PTPRG: variants seen among roughly 807,000 people sequenced by gnomAD.
The protein encoded by PTPRG is receptor-type tyrosine-protein phosphatase gamma.
Under a neutral mutation model 165.3 loss-of-function variants are expected in PTPRG, and 102 were observed. That is an observed-to-expected ratio of 0.62 (90% confidence interval 0.53 to 0.73). The LOEUF (loss-of-function observed/expected upper bound fraction) is 0.73, where lower values mean the gene tolerates loss of function less well. PTPRG is among the 30% of genes least tolerant of loss of function. PTPRG has a pLI of 0.00. For synonymous variants in PTPRG, 675 were observed against 669.5 expected, an observed-to-expected ratio of 1.01 and a Z score of -0.13; for missense variants, 1,866 against 1,861.4, an observed-to-expected ratio of 1.00 and a Z score of -0.05.
At chr3:61,797,284 T>A (rs2035077888) in intron 2 of PTPRG, among the ~76,000 whole-genome samples, 1 of 152,334 alleles carries the variant, frequency 6.6e-6, no homozygotes, top group African/African-American at 2.4e-5. Context: ...AATATACTTT[T>A]CATTGAATAA....
chr3:61,639,403 T>A (rs796407334), intron 1 of PTPRG, among the ~76,000 whole-genome samples: 7 of 152,332 alleles, frequency 4.6e-5, no homozygotes, highest in African/African-American at 1.7e-4. Context: ...TCTTTTTTGG[T>A]TCCATATGAA....
intron 2 of PTPRG, among the ~76,000 whole-genome samples, chr3:61,924,380 G>A (rs974094471): frequency 6.6e-6 from 1 of 152,174 alleles, no homozygotes; most frequent in South Asian, 2.1e-4. Flanking sequence ...GAAGAAAACC[G>A]GCTATTGTTA....
intron 1 of PTPRG, among the ~76,000 whole-genome samples, chr3:61,630,673 A>G (rs1194616438): frequency 6.6e-6 from 1 of 152,148 alleles, no homozygotes; most frequent in Admixed American, 6.5e-5. Flanking sequence ...TTATCATCTC[A>G]AGTCTCTTTG....
At chr3:62,230,458 T>C (rs979041757) in intron 13 of PTPRG, among the ~76,000 whole-genome samples, 16 of 152,230 alleles carry the variant, frequency 1.1e-4, no homozygotes, top group African/African-American at 2.7e-4. Context: ...TTGGAAAGAA[T>C]AGGAATCATT....
intron 6 of PTPRG, 135 bp from the exon 7 acceptor site, chr3:62,156,932 C>A: frequency 1.3e-6 from 1 of 797,586 alleles, no homozygotes; most frequent in Non-Finnish European, 2.1e-6. Context: ...CCACCAAATG[C>A]TAGTGCTTCT....
At chr3:62,122,221 T>C (rs1394806545) in intron 5 of PTPRG, among the ~76,000 whole-genome samples, 1 of 152,224 alleles carries the variant, frequency 6.6e-6, no homozygotes, top group Non-Finnish European at 1.5e-5. Context: ...AAAACAGTTT[T>C]CACTAGTTTG....
chr3:61,933,022 G>C (rs544609461), intron 2 of PTPRG, among the ~76,000 whole-genome samples: 1 of 152,296 alleles, frequency 6.6e-6, no homozygotes, highest in South Asian at 2.1e-4. Flanking sequence ...ATATGGCTGA[G>C]AATTTGTGGT....
intron 2 of PTPRG, among the ~76,000 whole-genome samples, chr3:61,863,531 A>G (rs1171915042): frequency 1.3e-5 from 2 of 152,228 alleles, no homozygotes; most frequent in Non-Finnish European, 2.9e-5. Context: ...TCAGATGTCA[A>G]GTGTCCACAG....
chr3:61,718,790 C>T (rs1283989542), intron 1 of PTPRG, among the ~76,000 whole-genome samples: 2 of 152,182 alleles, frequency 1.3e-5, no homozygotes, highest in African/African-American at 4.8e-5. Context: ...CCTTTTTGGC[C>T]TGGTGCCCTG....
chr3:61,846,896 C>G (rs1376424497), intron 2 of PTPRG, among the ~76,000 whole-genome samples: 1 of 151,448 alleles, frequency 6.6e-6, no homozygotes, highest in East Asian at 1.9e-4. Flanking sequence ...GTCTGGGTAT[C>G]AGAGCTAGAC....
chr3:61,645,875 G>A (rs1297912196), intron 1 of PTPRG, among the ~76,000 whole-genome samples: 1 of 152,200 alleles, frequency 6.6e-6, no homozygotes, highest in African/African-American at 2.4e-5. Flanking sequence ...TGGGAGCTGA[G>A]CTACCCAAAA....
chr3:62,209,653 G>T (rs1318221470), intron 12 of PTPRG, among the ~76,000 whole-genome samples: 1 of 152,086 alleles, frequency 6.6e-6, no homozygotes, highest in Non-Finnish European at 1.5e-5. Context: ...GCCCACCCCC[G>T]TCCTGGTCTG....
chr3:61,799,360 G>C (rs1197039239), intron 2 of PTPRG, among the ~76,000 whole-genome samples: 4 of 152,140 alleles, frequency 2.6e-5, no homozygotes, highest in African/African-American at 7.2e-5. Flanking sequence ...ACTAGAACCA[G>C]AAACCTTGGC....
Position 61,783,300 on chromosome 3 carries a change from A to T in PTPRG, c.190+34318A>T, listed in dbSNP as rs373971285. 7.2e-5 allele frequency among the ~76,000 whole-genome samples: 11 copies of T among 152,264 alleles called. No individual in the cohort carries two copies. In the South Asian group the frequency reaches 1.0e-3, roughly 14 times the overall value. On this transcript the variant is annotated intron_variant, in intron 2 of 29. Coordinates refer to ENST00000474889, the MANE Select transcript of PTPRG (RefSeq NM_002841.4). Reference sequence around the variant, plus strand: ...GGCAGCAATGAGCTGTGTTTGCACCACTGCACTCCAACCTGGGTGACAGAG... The same window carrying T: ...GGCAGCAATGAGCTGTGTTTGCACCTCTGCACTCCAACCTGGGTGACAGAG...
intron 24 of PTPRG, 90 bp from the exon 25 acceptor site, chr3:62,276,882 T>C (rs776391029): frequency 2.1e-6 from 2 of 945,640 alleles, no homozygotes; most frequent in South Asian, 1.4e-5. Flanking sequence ...CAGGAGGATA[T>C]GTTATTCATC....
chr3:61,898,504 A>G (rs998845451), intron 2 of PTPRG, among the ~76,000 whole-genome samples: 5 of 152,214 alleles, frequency 3.3e-5, no homozygotes, highest in Non-Finnish European at 7.3e-5. Flanking sequence ...AATTTGGGCA[A>G]GAAAAGTTGA....
intron 6 of PTPRG, among the ~76,000 whole-genome samples, chr3:62,141,372 G>C (rs1256899464): frequency 6.6e-6 from 1 of 152,094 alleles, no homozygotes; most frequent in Admixed American, 6.6e-5. Context: ...AGCCGAGGCA[G>C]GTAGATCACT....
chr3:61,797,691 G>C (rs1236647889), intron 2 of PTPRG, among the ~76,000 whole-genome samples: 3 of 148,962 alleles, frequency 2.0e-5, no homozygotes, highest in Non-Finnish European at 4.4e-5. Flanking sequence ...AGTAGCTCAT[G>C]AGAGCTCTGT....
intron 1 of PTPRG, among the ~76,000 whole-genome samples, chr3:61,626,086 A>C (rs1423467228): frequency 6.6e-6 from 1 of 151,976 alleles, no homozygotes; most frequent in Non-Finnish European, 1.5e-5. Context: ...GTCTTCAAAT[A>C]AAAGGCATAA....
Sources: gnomAD v4.1 joint callset for allele counts (sites outside exome capture counted in the v4.1 genomes callset) on GRCh38, gnomAD v4.1.1 for gene constraint, MANE v1.5 for transcripts, NCBI Gene and HGNC (gene_info 2026-07-23, HGNC 2026-07-21) for gene names.